The following SDK1 variants were observed in gnomAD, a reference collection of about 807,000 sequenced individuals.
The protein encoded by SDK1 is sidekick cell adhesion molecule 1.
A neutral mutation model predicts 245.5 loss-of-function variants in SDK1; 157 were observed. That is an observed-to-expected ratio of 0.64 (90% CI 0.56 to 0.73). The LOEUF is 0.73. SDK1 is among the 30% of genes least tolerant of loss of function. The probability of loss-of-function intolerance (pLI) is 0.00; values close to 1 mark genes in which losing one functional copy is unlikely to be tolerated. For missense variants in SDK1, 3,583 were observed against 3,002.3 expected, an observed-to-expected ratio of 1.19 and a Z score of -4.52; for synonymous variants, 1,647 against 1,278.5, an observed-to-expected ratio of 1.29 and a Z score of -6.15.
At chr7:3,600,798 T>G (rs1223176125) in intron 1 of SDK1, among the ~76,000 whole-genome samples, 1 of 152,102 alleles carries the variant, frequency 6.6e-6, no homozygotes, top group African/African-American at 2.4e-5. Flanking sequence ...TCCGGCCATC[T>G]CGGCCTCCCA....
chr7:4,086,466 C>T (rs1183194366), intron 22 of SDK1, among the ~76,000 whole-genome samples: 2 of 152,100 alleles, frequency 1.3e-5, no homozygotes, highest in African/African-American at 4.8e-5. Flanking sequence ...GAATTCAGTC[C>T]TTGCAGTTGT....
At chr7:3,463,265 A>G (rs1460738973) in intron 1 of SDK1, among the ~76,000 whole-genome samples, 1 of 152,154 alleles carries the variant, frequency 6.6e-6, no homozygotes, top group Non-Finnish European at 1.5e-5. Context: ...TAGCAAGAAT[A>G]TCTTTTTGTT....
intron 1 of SDK1, among the ~76,000 whole-genome samples, chr7:3,550,966 T>A (rs796851608): frequency 3.9e-5 from 6 of 152,348 alleles, no homozygotes; most frequent in African/African-American, 1.4e-4. Context: ...GAAATAAAGG[T>A]TTACACAGAA....
At chr7:3,731,942 C>T (rs192590409) in intron 4 of SDK1, among the ~76,000 whole-genome samples, 82 of 152,286 alleles carry the variant, frequency 5.4e-4, no homozygotes, top group Non-Finnish European at 9.1e-4. Context: ...CAGGTGCCCA[C>T]CACCACGCCT....
rs186194437 is a variant in SDK1, at chr7:3,378,692, G to T, written c.298+76808G>T. Among the ~76,000 whole-genome samples, 10 of 152,226 alleles carry T rather than the reference G, an allele frequency of 6.6e-5. No individual in the cohort carries two copies. In the East Asian group the frequency reaches 1.9e-3, roughly 29 times the overall value. The stretch of plus-strand genomic sequence containing the variant: ...TATTTCTGTTCACATTTGTAGGTAA[G>T]GATCTGCAACTCAGCGTTGCGTGAA... On this transcript the variant is annotated intron_variant, in intron 1 of 44. Transcript: ENST00000404826.
chr7:3,418,145 G>GAAAAAAAAAAAAAAAAAAAAAAAAAAAA (rs200914826), intron 1 of SDK1, among the ~76,000 whole-genome samples: 1 of 119,726 alleles, frequency 8.4e-6, no homozygotes, highest in African/African-American at 3.9e-5. Flanking sequence ...TACTAAAAAT[G>GAAAAAAAAAAAAAAAAAAAAAAAAAAAA]AAAAAAAAAA....
At chr7:3,469,517 A>G (rs946377371) in intron 1 of SDK1, among the ~76,000 whole-genome samples, 1 of 152,196 alleles carries the variant, frequency 6.6e-6, no homozygotes, top group Non-Finnish European at 1.5e-5. Context: ...ATTTCTTAAT[A>G]TTTGCAGAGA....
chr7:3,790,445 T>G (rs1255408947), intron 4 of SDK1, among the ~76,000 whole-genome samples: 2 of 151,298 alleles, frequency 1.3e-5, no homozygotes, highest in Non-Finnish European at 2.9e-5. Flanking sequence ...TGTGGAAAGG[T>G]GGGTTTGGAG....
At chr7:3,337,555 A>C (rs1780235063) in intron 1 of SDK1, among the ~76,000 whole-genome samples, 1 of 152,192 alleles carries the variant, frequency 6.6e-6, no homozygotes, top group Non-Finnish European at 1.5e-5. Flanking sequence ...AGTGAGCCCC[A>C]GACAGGATCA....
intron 4 of SDK1, among the ~76,000 whole-genome samples, chr7:3,698,548 A>T (rs757321104): frequency 1.3e-5 from 2 of 152,066 alleles, no homozygotes; most frequent in African/African-American, 2.4e-5. Context: ...CAGTCACAGA[A>T]CCCTCTGCAC....
chr7:3,762,526 A>C (rs1583387864), intron 4 of SDK1, among the ~76,000 whole-genome samples: 1 of 152,350 alleles, frequency 6.6e-6, no homozygotes. Context: ...AAATGCAATT[A>C]CTGAGTAAAT....
At chr7:4,061,210 T>A (rs1487942700) in intron 19 of SDK1, among the ~76,000 whole-genome samples, 1 of 152,078 alleles carries the variant, frequency 6.6e-6, no homozygotes, top group African/African-American at 2.4e-5. Context: ...GGGATGGCAT[T>A]GAATCTATAA....
intron 22 of SDK1, 143 bp downstream of exon 22, chr7:4,079,727 G>A: frequency 8.5e-7 from 1 of 1,179,348 alleles, no homozygotes. Flanking sequence ...GCTGGAGATA[G>A]CCCAGATACC....
Position 4,011,045 on chromosome 7 carries a change from T to C in SDK1, c.2211T>C (p.Arg737=), listed in dbSNP as rs1409151088. The change falls in exon 15 of 45, where the codon CGT becomes CGC. Residue 737 remains arginine (R), a synonymous_variant. Transcript: ENST00000404826. ...GVTVSGLTPA[R]TYQFRVCAVN... ...CCGTGAGTGGCCTGACTCCGGCTCGTACCTATCAATTCCGGGTGTGCGCGG... is the reference window on the plus strand; with the variant it reads ...CCGTGAGTGGCCTGACTCCGGCTCGCACCTATCAATTCCGGGTGTGCGCGG... 1 of 1,614,188 alleles carries C rather than the reference T, an allele frequency of 6.2e-7. No individual in the cohort carries two copies. Among genetic ancestry groups the C allele is most frequent in the Non-Finnish European group, 8.5e-7 (1 of 1,180,042 alleles).
At chr7:3,868,480 G>A (rs1323216170) in intron 5 of SDK1, among the ~76,000 whole-genome samples, 2 of 152,194 alleles carry the variant, frequency 1.3e-5, no homozygotes, top group African/African-American at 4.8e-5. Context: ...ACTGGTTAAT[G>A]AATTTGCTAT....
chr7:3,312,690 G>A (rs1369612099), intron 1 of SDK1, among the ~76,000 whole-genome samples: 4 of 151,910 alleles, frequency 2.6e-5, no homozygotes, highest in Admixed American at 1.3e-4. Flanking sequence ...AAATTTCTTC[G>A]AATACAGTAA....
chr7:3,741,356 G>T (rs903396784), intron 4 of SDK1, among the ~76,000 whole-genome samples: 1 of 152,190 alleles, frequency 6.6e-6, no homozygotes, highest in Admixed American at 6.5e-5. Context: ...GCTCCCAGGG[G>T]ATGCTCTTCA....
At chr7:3,740,889 A>T (rs769817690) in intron 4 of SDK1, among the ~76,000 whole-genome samples, 3 of 152,128 alleles carry the variant, frequency 2.0e-5, no homozygotes, top group Non-Finnish European at 4.4e-5. Flanking sequence ...GCCATTCCTG[A>T]GGTCCTTCTT....
chr7:4,011,139 G>T (rs760748192), intron 15 of SDK1, 26 bp downstream of exon 15: 41 of 1,610,628 alleles, frequency 2.5e-5, no homozygotes, highest in African/African-American at 2.4e-4. Context: ...CCCAGGTGGG[G>T]GTGTGGAACA....
Sources: allele counts gnomAD v4.1 joint callset (sites outside exome capture counted in the v4.1 genomes callset), GRCh38; gene constraint gnomAD v4.1.1; transcripts MANE v1.5; gene names NCBI Gene and HGNC (gene_info 2026-07-23, HGNC 2026-07-21).